Variants in GRK4 observed in about 807,000 individuals in gnomAD.
GRK4 encodes the protein G protein-coupled receptor kinase 4.
GRK4 carries 73 observed loss-of-function variants against 77.9 expected under a neutral mutation model. The observed-to-expected ratio is 0.94, with a 90% CI of 0.78 to 1.14. The LOEUF (loss-of-function observed/expected upper bound fraction) is 1.14. GRK4 is among the 50% of genes most tolerant of loss of function. The pLI is 0.00. For missense variants in GRK4, 729 were observed against 700.2 expected, an observed-to-expected ratio of 1.04 and a Z score of -0.46; for synonymous variants, 257 against 254.4, an observed-to-expected ratio of 1.01 and a Z score of -0.10.
At chr4:3,000,189 G>A (rs1297841282) in intron 4 of GRK4, among the ~76,000 whole-genome samples, 1 of 152,104 alleles carries the variant, frequency 6.6e-6, no homozygotes, top group African/African-American at 2.4e-5. Flanking sequence ...GCATCAGGCT[G>A]GTAGTTCTGT....
intron 1 of GRK4, among the ~76,000 whole-genome samples, chr4:2,977,626 T>C (rs771024692): frequency 1.3e-5 from 2 of 152,188 alleles, no homozygotes; most frequent in South Asian, 2.1e-4. Flanking sequence ...GACTGTGCTT[T>C]GTGCAGTCAT....
At position 3,035,244 on chromosome 4, in the gene GRK4, C is replaced by CAAAA. The variant is rs58308936; in HGVS notation, c.1270-138_1270-135dup. 85 of 883,968 alleles carry CAAAA rather than the reference C, an allele frequency of 9.6e-5. 1 individual carries two copies. The African/African-American group carries it at 1.2e-3, about 13-fold the overall frequency. The allele number at this position is 883,968 out of a possible 1,614,324, so 54.8% of individuals were successfully genotyped here. On this transcript the variant is annotated intron_variant, in intron 12 of 15. Transcript: ENST00000398052. ...TGGGTGACAGAACGAGACTCCATCT[C>CAAAA]AAAAAAAGAAAAAAAAAGAAATGAT...
chr4:3,001,346 CACACACACAT>C (rs1300337275), intron 4 of GRK4, among the ~76,000 whole-genome samples: 7 of 122,376 alleles, frequency 5.7e-5, no homozygotes, highest in African/African-American at 2.1e-4. Flanking sequence ...CACACACACA[CACACACACAT>C]ATATATATAT....
intron 12 of GRK4, among the ~76,000 whole-genome samples, chr4:3,031,382 C>T (rs985764902): frequency 1.3e-5 from 2 of 152,184 alleles, no homozygotes; most frequent in Non-Finnish European, 2.9e-5. Flanking sequence ...TCAACAGCAT[C>T]AAGAGCCCAT....
intron 3 of GRK4, among the ~76,000 whole-genome samples, chr4:2,990,548 C>T (rs986377188): frequency 6.6e-6 from 1 of 152,286 alleles, no homozygotes; most frequent in Admixed American, 6.5e-5. Flanking sequence ...TCAGCCACTG[C>T]GCCTGGCCAG....
At chr4:2,994,249 T>C (rs1291167833) in intron 4 of GRK4, among the ~76,000 whole-genome samples, 1 of 152,238 alleles carries the variant, frequency 6.6e-6, no homozygotes, top group Non-Finnish European at 1.5e-5. Context: ...CTTGCTCTGT[T>C]GTGCAGGTTG....
chr4:2,977,396 G>A (rs535605473), intron 1 of GRK4, among the ~76,000 whole-genome samples: 2 of 152,196 alleles, frequency 1.3e-5, no homozygotes, highest in Admixed American at 6.5e-5. Context: ...GCAGAGCTCC[G>A]GCTGCTACGC....
chr4:3,001,853 A>G (rs1417220598), intron 4 of GRK4, among the ~76,000 whole-genome samples: 2 of 152,258 alleles, frequency 1.3e-5, no homozygotes, highest in Admixed American at 6.5e-5. Flanking sequence ...GCTTGGCCCT[A>G]TCACAGTCAG....
intron 6 of GRK4, among the ~76,000 whole-genome samples, chr4:3,008,495 A>G (rs1731952339): frequency 6.6e-6 from 1 of 152,218 alleles, no homozygotes; most frequent in Admixed American, 6.5e-5. Context: ...GGTGCACAAA[A>G]TAAGTGCTTA....
At chr4:2,976,097 G>A (rs1213802367) in intron 1 of GRK4, among the ~76,000 whole-genome samples, 1 of 152,208 alleles carries the variant, frequency 6.6e-6, no homozygotes, top group Non-Finnish European at 1.5e-5. Context: ...TTTGTTCTCT[G>A]TGTCTGCTTG....
rs1733994821 is a variant in GRK4, at chr4:3,014,846, T to C, written c.741+1018T>C. Among the ~76,000 whole-genome samples the C allele has an allele frequency of 2.0e-5, 3 of 152,196 alleles. No homozygotes were observed. The South Asian group carries it at 6.2e-4, about 32-fold the overall frequency. On this transcript the variant is annotated intron_variant, in intron 8 of 15. Coordinates refer to ENST00000398052, the MANE Select transcript of GRK4 (RefSeq NM_182982.3). ...CTCCCTATGTTGCTCAGGCTGGTCT[T>C]GAACTCCTGGGCTCAAGTGATCCAC...
intron 12 of GRK4, among the ~76,000 whole-genome samples, chr4:3,032,296 G>A (rs563715986): frequency 1.4e-5 from 2 of 147,500 alleles, no homozygotes; most frequent in Non-Finnish European, 3.0e-5. Flanking sequence ...GCCTGGCCAA[G>A]ATGGTGAAAT....
At chr4:3,001,428 G>A (rs1010906009) in intron 4 of GRK4, among the ~76,000 whole-genome samples, 5 of 149,198 alleles carry the variant, frequency 3.4e-5, no homozygotes, top group South Asian at 2.1e-4. Context: ...GTGGAGTGGC[G>A]TGATCTTGGC....
chr4:2,997,908 C>CA (rs34665052), intron 4 of GRK4, among the ~76,000 whole-genome samples: 47,564 of 108,430 alleles, frequency 0.44, 9,663 homozygotes, highest in African/African-American at 0.56. Context: ...ACTCCATCTC[C>CA]AAAAAAAAAA....
In GRK4 at chr4:2,963,573, A is replaced by G. The variant is rs1716382116; in HGVS notation, c.-498A>G. On this transcript the variant is annotated 5_prime_UTR_variant, in exon 1 of 16. Transcript: ENST00000398052. Reference sequence around the variant, plus strand: ...TGGCGCAGGGCCTTCTGGGAGCTGTAGTGCCCCGGCCGCGGCGGCGAGGGG... The same window carrying G: ...TGGCGCAGGGCCTTCTGGGAGCTGTGGTGCCCCGGCCGCGGCGGCGAGGGG... 2 of 472,296 alleles carry G rather than the reference A, an allele frequency of 4.2e-6. No individual in the cohort carries two copies. The highest frequency in any genetic ancestry group is 7.3e-6 in the Non-Finnish European group (2 of 272,296). 29.3% of individuals were successfully genotyped at this position (472,296 alleles called of 1,614,324 possible). A position where few individuals can be genotyped will look rare whatever the true frequency, so the allele number is the denominator to read the frequency against.
chr4:2,992,153 A>G (rs905898189), intron 3 of GRK4, 62 bp from the exon 4 acceptor site: 305 of 1,160,934 alleles, frequency 2.6e-4, no homozygotes, highest in Non-Finnish European at 3.7e-4. Context: ...GGCTGGAACT[A>G]CAGGTATGCA....
Position 3,038,446 on chromosome 4 carries a change from A to G in GRK4, c.1616A>G (p.Asp539Gly), listed in dbSNP as rs762932207. 1.1e-5 allele frequency: 18 copies of G among 1,614,058 alleles called. No homozygotes were observed. The South Asian group carries it at 1.9e-4, about 17-fold the overall frequency. ...GAGGAAGCTTTGCCATTAGATCTAG[A>G]CAAGAACATACATACCCCGGTTTCC... ...ESEEALPLDL[D>G]KNIHTPVSRP... The change falls in exon 15 of 16, where the codon GAC becomes GGC. Residue 539 changes from aspartate (D) to glycine (G), a missense_variant. Coordinates refer to ENST00000398052, the MANE Select transcript of GRK4 (RefSeq NM_182982.3).
intron 1 of GRK4, among the ~76,000 whole-genome samples, chr4:2,982,518 AG>A (rs1485772468): frequency 6.6e-6 from 1 of 152,232 alleles, no homozygotes; most frequent in East Asian, 1.9e-4. Flanking sequence ...TGGGCACAGA[AG>A]CACCACTGAA....
intron 1 of GRK4, among the ~76,000 whole-genome samples, chr4:2,969,513 A>G (rs1203287088): frequency 2.0e-5 from 3 of 151,634 alleles, no homozygotes; most frequent in South Asian, 2.1e-4. Context: ...AGTAGCTGGG[A>G]TTACAGGCAT....
Sources: allele counts gnomAD v4.1 joint callset (sites outside exome capture counted in the v4.1 genomes callset), GRCh38; gene constraint gnomAD v4.1.1; transcripts MANE v1.5; gene names NCBI Gene and HGNC (gene_info 2026-07-23, HGNC 2026-07-21).